Variants in RAPH1 observed in about 807,000 individuals in gnomAD.
RAPH1 encodes ras-associated and pleckstrin homology domains-containing protein 1.
Under a neutral mutation model 88.1 loss-of-function variants are expected in RAPH1, and 18 were observed. That is an observed-to-expected ratio of 0.20 (90% CI 0.14 to 0.30). The LOEUF is 0.30. Ranked by LOEUF, RAPH1 falls within the 10% of genes least tolerant of loss-of-function variation. RAPH1 has a pLI of 1.00. For missense variants in RAPH1, 1,448 were observed against 1,543.2 expected, an observed-to-expected ratio of 0.94 and a Z score of 1.03; for synonymous variants, 587 against 559.0, an observed-to-expected ratio of 1.05 and a Z score of -0.71.
In RAPH1 at chr2:203,494,191, G is replaced by C. The variant is rs995610847; in HGVS notation, c.120+1043C>G. Reference sequence around the variant, plus strand: ...CCACTTTGCTTTTCCTTTAGTTAAGGAATCTCATACCTACGCAATTTTACA... The same window carrying C: ...CCACTTTGCTTTTCCTTTAGTTAAGCAATCTCATACCTACGCAATTTTACA... On this transcript the variant is annotated intron_variant, in intron 2 of 13. Coordinates refer to ENST00000319170, the MANE Select transcript of RAPH1 (RefSeq NM_213589.3). Among the ~76,000 whole-genome samples the C allele has an allele frequency of 2.6e-5, 4 of 151,848 alleles. 1 individual carries two copies. Among genetic ancestry groups the C allele is most frequent in the African/African-American group, 7.3e-5 (3 of 41,356 alleles).
At chr2:203,512,231 C>T (rs1398564219) in intron 1 of RAPH1, among the ~76,000 whole-genome samples, 1 of 151,262 alleles carries the variant, frequency 6.6e-6, no homozygotes, top group Non-Finnish European at 1.5e-5. Flanking sequence ...AAGTTGGAGC[C>T]CAGCCTGGCC....
At position 203,440,117 on chromosome 2, in the gene RAPH1, G is replaced by T. The variant is rs953437959; in HGVS notation, c.3073C>A (p.Pro1025Thr). The T allele has an allele frequency of 1.9e-6, 3 of 1,613,546 alleles. No individual in the cohort carries two copies. In the Admixed American group the frequency reaches 5.0e-5, roughly 27 times the overall value. The change falls in exon 14 of 14, where the codon CCC becomes ACC. Residue 1025 changes from proline (P) to threonine (T), a missense_variant. Physicochemically the swap from Pro to Thr is conservative, Grantham distance 38 (BLOSUM62 -1). This residue lies in a region of RAPH1 where 935 missense variants were observed against 890.1 expected (regional missense o/e 1.05). Transcript: ENST00000319170. The part of the protein sequence containing the change: ...KETLPPPAAP[P>T]KPGKLNLSGV... ...GAAAGATTGAGTTTTCCAGGCTTGGGGGGTGCTGCAGGAGGTGGTAGGGTC... is the reference window on the plus strand; with the variant it reads ...GAAAGATTGAGTTTTCCAGGCTTGGTGGGTGCTGCAGGAGGTGGTAGGGTC...
At chr2:203,490,959 G>A (rs1283265845) in intron 3 of RAPH1, among the ~76,000 whole-genome samples, 2 of 150,764 alleles carry the variant, frequency 1.3e-5, no homozygotes, top group Non-Finnish European at 2.9e-5. Context: ...CAGGAGAATC[G>A]CTTGAACCTG....
Position 203,506,732 on chromosome 2 carries a change from A to ATATATATC in RAPH1, c.1-11380_1-11379insGATATATA, listed in dbSNP as rs1491339946. Among the ~76,000 whole-genome samples the ATATATATC allele has an allele frequency of 8.4e-4, 97 of 115,146 alleles. 8 individuals carry two copies. Among genetic ancestry groups the ATATATATC allele is most frequent in the African/African-American group, 4.5e-3 (89 of 19,604 alleles). The allele number at this position is 115,146 out of a possible 152,430, so 75.5% of individuals were successfully genotyped here. ...AATCCACTGACTAAAATCCATATATAGATATATATCTATATATATATATAT... is the reference window on the plus strand; with the variant it reads ...AATCCACTGACTAAAATCCATATATATATATATCGATATATATCTATATATATATATAT... On this transcript the variant is annotated intron_variant, in intron 1 of 13. Transcript: ENST00000319170.
At position 203,453,418 on chromosome 2, in the gene RAPH1, C is replaced by T. The variant is rs1204038478; in HGVS notation, c.1413+1012G>A. On this transcript the variant is annotated intron_variant, in intron 10 of 13. Transcript: ENST00000319170. ...AAAATTAGCTGGGTGTGGTGGCATG[C>T]ACCTCAAGTCCCAGCTACTTGGGAG... Among the ~76,000 whole-genome samples, 4 of 151,820 alleles carry T rather than the reference C, an allele frequency of 2.6e-5. No homozygotes were observed. The South Asian group carries it at 8.4e-4, about 32-fold the overall frequency.
intron 10 of RAPH1, among the ~76,000 whole-genome samples, chr2:203,453,806 G>GT (rs1197883562): frequency 1.3e-5 from 2 of 151,666 alleles, no homozygotes; most frequent in African/African-American, 2.4e-5. Context: ...TTTGTATGTC[G>GT]TTTTTATCAG....
rs554283114 is a variant in RAPH1, at chr2:203,454,421, T to A, written c.1413+9A>T. On this transcript the variant is annotated intron_variant, in intron 10 of 13. Coordinates refer to ENST00000319170, the MANE Select transcript of RAPH1 (RefSeq NM_213589.3). ...CAATTAAAATTCCTAAAAAGAAATA[T>A]GTGTTTACCTTCAGCACCAGACAAT... 1 of 1,572,106 alleles carries A rather than the reference T, an allele frequency of 6.4e-7. No homozygotes were observed. The highest frequency in any genetic ancestry group is 1.1e-5 in the South Asian group (1 of 88,172).
intron 4 of RAPH1, among the ~76,000 whole-genome samples, chr2:203,465,658 G>A (rs1400669847): frequency 2.0e-5 from 3 of 152,102 alleles, no homozygotes; most frequent in East Asian, 1.9e-4. Flanking sequence ...GAGGCCAAGC[G>A]GGCAGATAAG....
intron 1 of RAPH1, among the ~76,000 whole-genome samples, chr2:203,499,425 A>AAC (rs796464477): frequency 1.5e-4 from 21 of 142,244 alleles, no homozygotes; most frequent in African/African-American, 5.4e-4. Flanking sequence ...TAACAGCAAC[A>AAC]AAAAAAAAAA....
intron 4 of RAPH1, among the ~76,000 whole-genome samples, chr2:203,463,021 G>A (rs2098525393): frequency 6.6e-6 from 1 of 151,846 alleles, no homozygotes; most frequent in South Asian, 2.1e-4. Context: ...GCAACTTGGT[G>A]AAACCCCGTC....
rs1690558089 is a variant in RAPH1 at position 203,535,091 on chromosome 2, G to A, written c.-1+20C>T. 1 of 151,894 alleles carries A rather than the reference G, an allele frequency of 6.6e-6. No homozygotes were observed. The highest frequency in any genetic ancestry group is 1.5e-5 in the Non-Finnish European group (1 of 67,944). 9.4% of individuals were successfully genotyped at this position (151,894 alleles called of 1,614,324 possible). On this transcript the variant is annotated intron_variant, in intron 1 of 13. Transcript: ENST00000319170. Reference sequence around the variant, plus strand: ...CCGGCTCCCTACCCCCTGGCCCCGAGGGCGAGGCTAACCACTCACCGCGGC... The same window carrying A: ...CCGGCTCCCTACCCCCTGGCCCCGAAGGCGAGGCTAACCACTCACCGCGGC...
intron 4 of RAPH1, chr2:203,470,156 AAT>A: frequency 1.2e-6 from 1 of 849,216 alleles, no homozygotes; most frequent in Admixed American, 2.6e-5. Context: ...AGAAAATAAT[AAT>A]ATAAGAGCAT....
At position 203,506,742 on chromosome 2, in the gene RAPH1, CTATATA is replaced by C. The variant is rs71007523; in HGVS notation, c.1-11395_1-11390del. On this transcript the variant is annotated intron_variant, in intron 1 of 13. Coordinates refer to ENST00000319170, the MANE Select transcript of RAPH1 (RefSeq NM_213589.3). Reference sequence around the variant, plus strand: ...CTAAAATCCATATATAGATATATATCTATATATATATATATCTATATATATATCTAT... The same window carrying C: ...CTAAAATCCATATATAGATATATATCTATATATATCTATATATATATCTAT... Among the ~76,000 whole-genome samples, 198 of 110,834 alleles carry C rather than the reference CTATATA, an allele frequency of 1.8e-3. 22 individuals carry two copies. The highest frequency in any genetic ancestry group is 9.3e-3 in the African/African-American group (187 of 20,200). The allele number at this position is 110,834 out of a possible 152,430, so 72.7% of individuals were successfully genotyped here. A position where few individuals can be genotyped will look rare whatever the true frequency, so the allele number is the denominator to read the frequency against.
At chr2:203,502,819 C>G (rs1483007711) in intron 1 of RAPH1, among the ~76,000 whole-genome samples, 1 of 97,764 alleles carries the variant, frequency 1.0e-5, no homozygotes, top group Non-Finnish European at 2.1e-5. Flanking sequence ...GACTCCGTCC[C>G]AAAAAAAAAA....
chr2:203,515,203 TG>T (rs1358208433), intron 1 of RAPH1, among the ~76,000 whole-genome samples: 2 of 152,220 alleles, frequency 1.3e-5, no homozygotes, highest in Non-Finnish European at 2.9e-5. Context: ...AATTATCTTT[TG>T]TGTTAACCTC....
chr2:203,517,534 G>A (rs1039404014), intron 1 of RAPH1, among the ~76,000 whole-genome samples: 1 of 152,168 alleles, frequency 6.6e-6, no homozygotes, highest in African/African-American at 2.4e-5. Context: ...TGACATCTAT[G>A]CGCTAATTCA....
intron 1 of RAPH1, among the ~76,000 whole-genome samples, chr2:203,525,926 G>C (rs1334321439): frequency 6.6e-6 from 1 of 152,102 alleles, no homozygotes; most frequent in Non-Finnish European, 1.5e-5. Flanking sequence ...GATAGGCAAA[G>C]AAAACAGAGA....
chr2:203,531,268 T>C (rs1690376427), intron 1 of RAPH1, among the ~76,000 whole-genome samples: 1 of 145,520 alleles, frequency 6.9e-6, no homozygotes, highest in African/African-American at 2.6e-5. Context: ...AGTGGGGGGC[T>C]GGGGGAGGGA....
intron 4 of RAPH1, among the ~76,000 whole-genome samples, chr2:203,468,860 TCA>T (rs1206640939): frequency 6.6e-6 from 1 of 152,106 alleles, no homozygotes; most frequent in Non-Finnish European, 1.5e-5. Context: ...ATGGGTGAGC[TCA>T]GTAAATCCTA....
Sources: gnomAD v4.1 joint callset for allele counts (sites outside exome capture counted in the v4.1 genomes callset) on GRCh38, gnomAD v4.1.1 for gene constraint, gnomAD v4.1.1 regional missense constraint, MANE v1.5 for transcripts, NCBI Gene and HGNC (gene_info 2026-07-23, HGNC 2026-07-21) for gene names.